ANKRD11: variants seen among roughly 807,000 people sequenced by gnomAD.
ANKRD11 encodes ankyrin repeat domain-containing protein 11.
In ANKRD11, 17 loss-of-function variants were observed where a neutral mutation model predicts 195.7. That is an observed-to-expected ratio of 0.09 (90% confidence interval 0.06 to 0.13). The LOEUF (loss-of-function observed/expected upper bound fraction) is 0.13. ANKRD11 is among the 10% of genes least tolerant of loss of function. The pLI is 1.00. For missense variants in ANKRD11, 3,735 were observed against 3,566.1 expected (o/e 1.05, Z -1.21); for synonymous variants, 1,953 against 1,528.1 (o/e 1.28, Z -6.49).
At chr16:89,385,498 G>A (rs1413539470) in intron 2 of ANKRD11, among the ~76,000 whole-genome samples, 1 of 152,028 alleles carries the variant, frequency 6.6e-6, no homozygotes, top group Non-Finnish European at 1.5e-5. Flanking sequence ...AGAGGGAAGG[G>A]CGCCAGAGAC....
rs2040096049 is a variant in ANKRD11, at chr16:89,369,414, C to A, written c.-60+48870G>T. On this transcript the variant is annotated intron_variant, in intron 2 of 12. Transcript: ENST00000301030. ...CCACAGGGAGGGCTGTGCTCTGATG[C>A]CTGCTGCAGCAAGGGTGCGCCTCCA... Among the ~76,000 whole-genome samples the A allele has an allele frequency of 8.5e-5, 13 of 152,232 alleles. 1 individual carries two copies. In the South Asian group the frequency reaches 2.5e-3, roughly 29 times the overall value.
chr16:89,307,026 G>A (rs2036322438), intron 3 of ANKRD11, among the ~76,000 whole-genome samples: 1 of 144,508 alleles, frequency 6.9e-6, no homozygotes. Context: ...GGGGCAGTGT[G>A]ACACACACAG....
Position 89,490,255 on chromosome 16 carries a change from G to C in ANKRD11, c.-155C>G, listed in dbSNP as rs947923979. On this transcript the variant is annotated 5_prime_UTR_variant, in exon 1 of 13. Transcript: ENST00000301030. ...AGCGGCGCCTCTCACCGTGCTCCGA[G>C]GGCTGCGCGGCTCCGCGACGGCTCA... is the stretch of plus-strand genomic sequence containing the variant. 1 of 155,848 alleles carries C rather than the reference G, an allele frequency of 6.4e-6. No individual in the cohort carries two copies. Among genetic ancestry groups the C allele is most frequent in the Admixed American group, 6.5e-5 (1 of 15,458 alleles). 9.7% of individuals were successfully genotyped at this position (155,848 alleles called of 1,614,324 possible).
intron 11 of ANKRD11, chr16:89,272,490 T>G (rs1186681283): frequency 6.6e-6 from 1 of 152,074 alleles, no homozygotes; most frequent in Non-Finnish European, 1.5e-5. Context: ...TCACCTGAGG[T>G]CAAGAGTTTC....
intron 2 of ANKRD11, among the ~76,000 whole-genome samples, chr16:89,397,189 C>G (rs1336456873): frequency 6.6e-6 from 1 of 152,160 alleles, no homozygotes; most frequent in South Asian, 2.1e-4. Flanking sequence ...CCACGTCCAA[C>G]GGCGTCTCAC....
intron 2 of ANKRD11, among the ~76,000 whole-genome samples, chr16:89,417,731 G>C (rs996106972): frequency 2.0e-5 from 3 of 152,044 alleles, no homozygotes; most frequent in Non-Finnish European, 4.4e-5. Flanking sequence ...GAGCACAACA[G>C]CTCCCAGGAT....
chr16:89,313,495 A>C, intron 3 of ANKRD11: 8 of 1,289,234 alleles, frequency 6.2e-6, no homozygotes, highest in Non-Finnish European at 8.1e-6. Context: ...ACAAGCCGTC[A>C]GGTCAGCGCG....
rs566960224 is a variant in ANKRD11, at chr16:89,383,105, T to TA, written c.-60+35178dup. Among the ~76,000 whole-genome samples, 34 of 152,354 alleles carry TA rather than the reference T, an allele frequency of 2.2e-4. 2 individuals carry two copies. The East Asian group carries it at 6.6e-3, about 29-fold the overall frequency. Reference sequence around the variant, plus strand: ...TTTCACACCACTGTAATATAGGTTTTAAAAGCTGGGTGTGCTGGCTCATGC... The same window carrying TA: ...TTTCACACCACTGTAATATAGGTTTTAAAAAGCTGGGTGTGCTGGCTCATGC... On this transcript the variant is annotated intron_variant, in intron 2 of 12. Coordinates refer to ENST00000301030, the MANE Select transcript of ANKRD11 (RefSeq NM_013275.6).
rs149986716 is a variant in ANKRD11, at chr16:89,443,633, G to A, written c.-144-25265C>T. On this transcript the variant is annotated intron_variant, in intron 1 of 12. Transcript: ENST00000301030. Reference sequence around the variant, plus strand: ...GAAAATTCTTTAGGCAATACCCTCCGCACCCAGAAGGCTACCAGACCTGTT... The same window carrying A: ...GAAAATTCTTTAGGCAATACCCTCCACACCCAGAAGGCTACCAGACCTGTT... Among the ~76,000 whole-genome samples the A allele has an allele frequency of 1.1e-4, 17 of 152,250 alleles. No individual in the cohort carries two copies. The East Asian group carries it at 2.5e-3, about 22-fold the overall frequency.
chr16:89,409,449 C>G lies in ANKRD11; in HGVS notation c.-60+8835G>C, dbSNP rs1214358817. Among the ~76,000 whole-genome samples the G allele has an allele frequency of 2.0e-5, 3 of 152,284 alleles. No individual in the cohort carries two copies. The Middle Eastern group carries it at 0.01, about 518-fold the overall frequency. Reference sequence around the variant, plus strand: ...GGTTTCCTGTGGGTCGTCTTGTGCACGTCACGGCCCTGCCCACAGCATAAA... The same window carrying G: ...GGTTTCCTGTGGGTCGTCTTGTGCAGGTCACGGCCCTGCCCACAGCATAAA... On this transcript the variant is annotated intron_variant, in intron 2 of 12. Coordinates refer to ENST00000301030, the MANE Select transcript of ANKRD11 (RefSeq NM_013275.6).
chr16:89,331,441 T>TTTACAGA (rs1375644501), intron 2 of ANKRD11, among the ~76,000 whole-genome samples: 10 of 151,970 alleles, frequency 6.6e-5, no homozygotes, highest in African/African-American at 2.4e-4. Flanking sequence ...AAAGGGAGAA[T>TTTACAGA]TTACAGATTA....
chr16:89,278,914 C>T, intron 9 of ANKRD11, 158 bp downstream of exon 9: 9 of 1,255,920 alleles, frequency 7.2e-6, no homozygotes, highest in Non-Finnish European at 1.0e-5. Flanking sequence ...GCTTTTGCCT[C>T]CACAGCAGAA....
chr16:89,315,975 C>G (rs748572891), intron 3 of ANKRD11, among the ~76,000 whole-genome samples: 1 of 152,106 alleles, frequency 6.6e-6, no homozygotes, highest in Non-Finnish European at 1.5e-5. Context: ...CCCAGAGCAA[C>G]CGGCAACCAG....
At chr16:89,448,019 G>A (rs1430629441) in intron 1 of ANKRD11, among the ~76,000 whole-genome samples, 5 of 150,438 alleles carry the variant, frequency 3.3e-5, no homozygotes, top group East Asian at 2.0e-4. Context: ...TGGTCAGGCT[G>A]GTCTCCAACT....
At chr16:89,445,987 AAAAAAT>A (rs1472298558) in intron 1 of ANKRD11, among the ~76,000 whole-genome samples, 2 of 148,906 alleles carry the variant, frequency 1.3e-5, no homozygotes, top group African/African-American at 4.9e-5. Flanking sequence ...AAAACAAAAA[AAAAAAT>A]TTTTTGTTAA....
chr16:89,449,949 G>A, intron 1 of ANKRD11, among the ~76,000 whole-genome samples: 1 of 152,180 alleles, frequency 6.6e-6, no homozygotes, highest in Admixed American at 6.6e-5. Context: ...GCTTCACTGA[G>A]CACCCTGAGG....
At chr16:89,420,567 G>T (rs1200393196) in intron 1 of ANKRD11, 1 of 152,172 alleles carries the variant, frequency 6.6e-6, no homozygotes, top group East Asian at 1.9e-4. Flanking sequence ...GTTGTCTTAG[G>T]GTCCCACAGG....
intron 1 of ANKRD11, among the ~76,000 whole-genome samples, chr16:89,440,913 AAG>A (rs539355537): frequency 1.3e-5 from 2 of 152,206 alleles, no homozygotes; most frequent in Non-Finnish European, 2.9e-5. Context: ...TCAAAACGGA[AAG>A]AGAGAGCGCA....
At position 89,268,250 on chromosome 16, in the gene ANKRD11, TG is replaced by T. The variant is rs2032799917; in HGVS notation, c.*227del. 1 of 296,114 alleles carries T rather than the reference TG, an allele frequency of 3.4e-6. No individual in the cohort carries two copies. Among genetic ancestry groups the T allele is most frequent in the East Asian group, 7.3e-5 (1 of 13,616 alleles). The allele number at this position is 296,114 out of a possible 1,614,324, so 18.3% of individuals were successfully genotyped here. Reference sequence around the variant, plus strand: ...CATCCCGCCGGGGCCAGTGAGGCTCTGGGGGCTTTGCCCCCGCCGCGGCAGC... The same window carrying T: ...CATCCCGCCGGGGCCAGTGAGGCTCTGGGGCTTTGCCCCCGCCGCGGCAGC... On this transcript the variant is annotated 3_prime_UTR_variant, in exon 13 of 13. Transcript: ENST00000301030.
Sources: gnomAD v4.1 joint callset for allele counts (sites outside exome capture counted in the v4.1 genomes callset) on GRCh38, gnomAD v4.1.1 for gene constraint, MANE v1.5 for transcripts, NCBI Gene and HGNC (gene_info 2026-07-23, HGNC 2026-07-21) for gene names.